Variants in CRISP2 observed in about 807,000 individuals in gnomAD.
CRISP2 encodes cysteine rich secretory protein 2.
Under a neutral mutation model 31.7 loss-of-function variants are expected in CRISP2, and 29 were observed. That is an observed-to-expected ratio of 0.92 (90% CI 0.68 to 1.25). The LOEUF (loss-of-function observed/expected upper bound fraction) is 1.25, where lower values mean the gene tolerates loss of function less well. Among genes scored for constraint, CRISP2 ranks in the 50% most tolerant of loss-of-function variants. The pLI, the probability that CRISP2 is intolerant of heterozygous loss-of-function variation, is 0.00. For missense variants in CRISP2, 318 were observed against 286.5 expected (o/e 1.11, Z -0.79); for synonymous variants, 111 against 101.4 (o/e 1.09, Z -0.57).
downstream of CRISP2, among the ~76,000 whole-genome samples, chr6:49,690,134 T>C (rs1459832649): frequency 1.2e-4 from 18 of 152,162 alleles, no homozygotes; most frequent in Admixed American, 1.2e-3. Context: ...TTAGGTATCT[T>C]GTCTCCTATT....
chr6:49,700,617 G>A (rs899329785), intron 5 of CRISP2, 51 bp downstream of exon 5: 5 of 1,127,902 alleles, frequency 4.4e-6, no homozygotes, highest in Middle Eastern at 2.0e-4. Context: ...CCAGCCGTCG[G>A]CTCCTTCCAC....
At chr6:49,679,063 C>T in the CRISP2 span, among the ~76,000 whole-genome samples, 107 of 152,264 alleles carry the variant, frequency 7.0e-4, 1 homozygote, top group African/African-American at 2.6e-3. Context: ...TTATGTTCTG[C>T]ACAATGCACT....
chr6:49,684,355 G>A, the CRISP2 span, among the ~76,000 whole-genome samples: 30 of 152,076 alleles, frequency 2.0e-4, no homozygotes, highest in Admixed American at 1.6e-3. Context: ...TATTTTTTAG[G>A]GAATAATGAC....
chr6:49,683,159 A>AAAT, the CRISP2 span, among the ~76,000 whole-genome samples: 2 of 141,582 alleles, frequency 1.4e-5, no homozygotes, highest in African/African-American at 5.2e-5. Flanking sequence ...ACTCCATCTC[A>AAAT]AAATAAATAA....
Position 49,698,492 on chromosome 6 carries a change from TCAC to T in CRISP2, c.284_286del (p.Gly95del). Reference sequence around the variant, plus strand: ...AGGGTCACTTGACATATAGAGATTCTCACCACATCTTGTACCTAAGGGGCAGAT... The same window carrying T: ...AGGGTCACTTGACATATAGAGATTCTCACATCTTGTACCTAAGGGGCAGAT... On this transcript the variant is annotated inframe_deletion, in exon 7 of 10. Coordinates refer to ENST00000339139, the MANE Select transcript of CRISP2 (RefSeq NM_003296.4). 3 of 1,609,622 alleles carry T rather than the reference TCAC, an allele frequency of 1.9e-6. No homozygotes were observed. Among genetic ancestry groups the T allele is most frequent in the Non-Finnish European group, 2.5e-6 (3 of 1,178,610 alleles).
intron 2 of CRISP2, among the ~76,000 whole-genome samples, chr6:49,711,748 C>T (rs141656950): frequency 1.7e-4 from 26 of 152,214 alleles, no homozygotes; most frequent in African/African-American, 5.5e-4. Flanking sequence ...TTATTGGTTA[C>T]GGGTGCATTC....
At chr6:49,681,864 T>G in the CRISP2 span, among the ~76,000 whole-genome samples, 1 of 152,260 alleles carries the variant, frequency 6.6e-6, no homozygotes, top group South Asian at 2.1e-4. Flanking sequence ...TTGTCATATG[T>G]TAATCAATAT....
At chr6:49,697,145 A>G (rs796707913) in intron 8 of CRISP2, among the ~76,000 whole-genome samples, 3 of 152,266 alleles carry the variant, frequency 2.0e-5, no homozygotes, top group Admixed American at 1.3e-4. Flanking sequence ...AAAGAATTTC[A>G]AACACTAAAT....
At chr6:49,695,032 A>C (rs2127388515) in intron 9 of CRISP2, among the ~76,000 whole-genome samples, 2 of 152,290 alleles carry the variant, frequency 1.3e-5, no homozygotes, top group Middle Eastern at 3.4e-3. Context: ...ATATAGCTAT[A>C]TAACTGAGTC....
At chr6:49,702,220 C>T (rs1187684369) in intron 4 of CRISP2, among the ~76,000 whole-genome samples, 2 of 135,278 alleles carry the variant, frequency 1.5e-5, no homozygotes, top group South Asian at 2.3e-4. Context: ...AATGGGCACT[C>T]GGGCTGGTTC....
In CRISP2 at chr6:49,710,736, G is replaced by A. The variant is rs186633869; in HGVS notation, c.-10+549C>T. ...AAATTTTTACATATCAAATTTTTTT[G>A]TGTGTGTGCGTAATATTGCTGTAAT... On this transcript the variant is annotated intron_variant, in intron 3 of 9. Transcript: ENST00000339139. 5.9e-5 allele frequency among the ~76,000 whole-genome samples: 9 copies of A among 151,930 alleles called. No individual in the cohort carries two copies. In the East Asian group the frequency reaches 1.5e-3, roughly 26 times the overall value.
At chr6:49,701,928 TAATATATAATA>T (rs1296239992) in intron 4 of CRISP2, among the ~76,000 whole-genome samples, 3 of 10,152 alleles carry the variant, frequency 3.0e-4, no homozygotes, top group Admixed American at 2.0e-3. Context: ...ATATTATATA[TAATATATAATA>T]TATGTAATAT....
intron 9 of CRISP2, among the ~76,000 whole-genome samples, chr6:49,695,086 A>C (rs963911537): frequency 1.3e-5 from 2 of 152,172 alleles, no homozygotes; most frequent in African/African-American, 2.4e-5. Flanking sequence ...AGAGGTAAAA[A>C]TTTCAGTGAT....
At chr6:49,701,141 A>T (rs1385243755) in intron 4 of CRISP2, among the ~76,000 whole-genome samples, 1 of 152,024 alleles carries the variant, frequency 6.6e-6, no homozygotes, top group Admixed American at 6.6e-5. Context: ...ACTTTTCAAA[A>T]AATAATTTTG....
At chr6:49,703,307 T>C (rs1472801599) in intron 4 of CRISP2, among the ~76,000 whole-genome samples, 1 of 152,136 alleles carries the variant, frequency 6.6e-6, no homozygotes, top group African/African-American at 2.4e-5. Context: ...GCAGGCTTTT[T>C]TTTTGGCTCC....
intron 5 of CRISP2, 148 bp downstream of exon 5, chr6:49,700,520 C>T (rs1765482254): frequency 3.3e-6 from 2 of 608,402 alleles, no homozygotes; most frequent in Admixed American, 6.5e-5. Flanking sequence ...AACAAGAATA[C>T]AATCCTCTCC....
chr6:49,698,202 C>G (rs1765098291), intron 7 of CRISP2, among the ~76,000 whole-genome samples, 160 bp downstream of exon 7: 1 of 152,090 alleles, frequency 6.6e-6, no homozygotes, highest in Non-Finnish European at 1.5e-5. Context: ...TTTGGCTGAC[C>G]ATGGACAAAA....
chr6:49,708,071 G>A (rs765602562), intron 4 of CRISP2, among the ~76,000 whole-genome samples: 10 of 152,116 alleles, frequency 6.6e-5, no homozygotes, highest in Non-Finnish European at 1.3e-4. Context: ...AATTAAATGT[G>A]TTAATATAGT....
chr6:49,683,824 A>G, the CRISP2 span, among the ~76,000 whole-genome samples: 7 of 149,472 alleles, frequency 4.7e-5, no homozygotes, highest in Admixed American at 4.0e-4. Flanking sequence ...TCAAAAGTGA[A>G]CACATTTTCA....
Sources: allele counts gnomAD v4.1 joint callset (sites outside exome capture counted in the v4.1 genomes callset), GRCh38; gene constraint gnomAD v4.1.1; transcripts MANE v1.5; gene names NCBI Gene and HGNC (gene_info 2026-07-23, HGNC 2026-07-21).